Variants in BMPR1A observed in about 807,000 individuals in gnomAD.
BMPR1A encodes the protein bone morphogenetic protein receptor type-1A.
In BMPR1A, 7 loss-of-function variants were observed where a neutral mutation model predicts 66.0. That is an observed-to-expected ratio of 0.11 (90% CI 0.06 to 0.20). The LOEUF (loss-of-function observed/expected upper bound fraction) is 0.20. BMPR1A is among the 10% of genes least tolerant of loss of function. BMPR1A has a pLI of 1.00. For synonymous variants in BMPR1A, 200 were observed against 229.7 expected, an observed-to-expected ratio of 0.87 and a Z score of 1.17; for missense variants, 408 against 669.1, an observed-to-expected ratio of 0.61 and a Z score of 4.31.
At chr10:86,815,538 T>C (rs1842025685) in intron 1 of BMPR1A, among the ~76,000 whole-genome samples, 1 of 152,178 alleles carries the variant, frequency 6.6e-6, no homozygotes, top group Non-Finnish European at 1.5e-5. Context: ...TGTTTGTTAT[T>C]TGGCTTGTAG....
chr10:86,931,674 A>T (rs1453807294), downstream of BMPR1A: 2 of 152,176 alleles, frequency 1.3e-5, no homozygotes, highest in East Asian at 3.9e-4. Flanking sequence ...GACATGTTAT[A>T]CAGGTTAACT....
intron 2 of BMPR1A, among the ~76,000 whole-genome samples, chr10:86,859,526 T>C (rs71473279): frequency 0.062 from 9,381 of 152,068 alleles, 660 homozygotes; most frequent in African/African-American, 0.17. Context: ...GCTATACTTA[T>C]TGAAAAGAAG....
chr10:86,880,954 C>T (rs1227076554), intron 3 of BMPR1A, among the ~76,000 whole-genome samples: 1 of 152,116 alleles, frequency 6.6e-6, no homozygotes, highest in Non-Finnish European at 1.5e-5. Flanking sequence ...TACATGCCAA[C>T]ACTTGGGAGG....
chr10:86,916,409 C>T (rs1417651904), intron 8 of BMPR1A, among the ~76,000 whole-genome samples: 1 of 152,190 alleles, frequency 6.6e-6, no homozygotes, highest in African/African-American at 2.4e-5. Flanking sequence ...CACCCTTGGC[C>T]GACAGTTCAT....
intron 1 of BMPR1A, among the ~76,000 whole-genome samples, chr10:86,831,242 G>C (rs1254789938): frequency 6.6e-6 from 1 of 152,120 alleles, no homozygotes; most frequent in Non-Finnish European, 1.5e-5. Context: ...GTACGCATGC[G>C]AGTACTTGTG....
chr10:86,782,578 T>C (rs1405542981), intron 1 of BMPR1A, among the ~76,000 whole-genome samples: 1 of 152,160 alleles, frequency 6.6e-6, no homozygotes. Context: ...TGATTTGATG[T>C]GAGTTTTGCC....
At chr10:86,916,272 T>C (rs1843565902) in intron 8 of BMPR1A, among the ~76,000 whole-genome samples, 1 of 152,216 alleles carries the variant, frequency 6.6e-6, no homozygotes, top group Non-Finnish European at 1.5e-5. Context: ...TTATTTGGAC[T>C]TTGCTGCATA....
chr10:86,919,804 C>T (rs1275677106), intron 10 of BMPR1A, among the ~76,000 whole-genome samples: 1 of 151,862 alleles, frequency 6.6e-6, no homozygotes, highest in East Asian at 1.9e-4. Flanking sequence ...ACCTCATGGG[C>T]TCAAGCAATC....
At chr10:86,848,864 G>C (rs1842523971) in intron 2 of BMPR1A, among the ~76,000 whole-genome samples, 1 of 152,126 alleles carries the variant, frequency 6.6e-6, no homozygotes, top group Admixed American at 6.5e-5. Context: ...CTTTCTATCA[G>C]ATCTAGAAGT....
At chr10:86,837,928 T>C (rs1842375613) in intron 1 of BMPR1A, among the ~76,000 whole-genome samples, 1 of 152,218 alleles carries the variant, frequency 6.6e-6, no homozygotes, top group South Asian at 2.1e-4. Flanking sequence ...TACATGAATT[T>C]AGTCATTATC....
At chr10:86,855,777 TA>T in intron 2 of BMPR1A, 3 of 1,141,464 alleles carry the variant, frequency 2.6e-6, no homozygotes, top group Non-Finnish European at 3.7e-6. Context: ...AGCTGTCGTC[TA>T]ATACTTGTTG....
intron 11 of BMPR1A, among the ~76,000 whole-genome samples, chr10:86,921,980 C>T (rs1003194244): frequency 1.3e-5 from 2 of 152,260 alleles, no homozygotes; most frequent in African/African-American, 4.8e-5. Flanking sequence ...GTAGTCCTCC[C>T]CGTTGTGCTA....
intron 1 of BMPR1A, among the ~76,000 whole-genome samples, chr10:86,837,247 C>CTGTGTGTGTGTGTCTGTG (rs1842364037): frequency 7.2e-6 from 1 of 138,106 alleles, no homozygotes; most frequent in African/African-American, 2.7e-5. Flanking sequence ...GTGTGTGTGT[C>CTGTGTGTGTGTGTCTGTG]TGTGTGTGTG....
chr10:86,835,549 C>CAAAAAAAAAAAAAAAAAAAAAAAAAAAAA (rs55804247), intron 1 of BMPR1A, among the ~76,000 whole-genome samples: 3 of 44,336 alleles, frequency 6.8e-5, no homozygotes, highest in Admixed American at 3.3e-4. Context: ...GACTCTGTAT[C>CAAAAAAAAAAAAAAAAAAAAAAAAAAAAA]AAAAAAAAAA....
At chr10:86,882,949 G>A (rs1843011237) in intron 3 of BMPR1A, among the ~76,000 whole-genome samples, 1 of 151,942 alleles carries the variant, frequency 6.6e-6, no homozygotes, top group African/African-American at 2.4e-5. Flanking sequence ...GGCAACAGGA[G>A]CGAAAACGCC....
chr10:86,794,885 CTT>C (rs1293784339), intron 1 of BMPR1A, among the ~76,000 whole-genome samples: 2 of 150,184 alleles, frequency 1.3e-5, no homozygotes, highest in South Asian at 4.2e-4. Context: ...GAGTTTCGCT[CTT>C]GTTTCCCAGG....
chr10:86,901,548 G>A (rs1418409474), intron 7 of BMPR1A, among the ~76,000 whole-genome samples: 1 of 152,174 alleles, frequency 6.6e-6, no homozygotes, highest in Non-Finnish European at 1.5e-5. Context: ...CTTTTTGGGT[G>A]TGCAAAGTCA....
intron 1 of BMPR1A, among the ~76,000 whole-genome samples, chr10:86,767,978 G>T (rs1050595981): frequency 6.6e-6 from 1 of 152,184 alleles, no homozygotes; most frequent in Non-Finnish European, 1.5e-5. Context: ...ACAGCCCATT[G>T]TTCTTTTCTA....
chr10:86,841,158 T>C (rs1842419931), intron 2 of BMPR1A, among the ~76,000 whole-genome samples: 1 of 152,226 alleles, frequency 6.6e-6, no homozygotes, highest in Admixed American at 6.5e-5. Context: ...ACCTACTGTA[T>C]GCCAGGCACT....
Sources: gnomAD v4.1 joint callset for allele counts (sites outside exome capture counted in the v4.1 genomes callset) on GRCh38, gnomAD v4.1.1 for gene constraint, MANE v1.5 for transcripts, NCBI Gene and HGNC (gene_info 2026-07-23, HGNC 2026-07-21) for gene names.